The following CNTNAP2 variants were observed in gnomAD, a reference collection of about 807,000 sequenced individuals.
CNTNAP2 encodes contactin associated protein 2.
CNTNAP2 carries 98 observed loss-of-function variants against 155.2 expected under a neutral mutation model. The observed-to-expected ratio is 0.63, with a 90% CI of 0.54 to 0.75. CNTNAP2 has a LOEUF of 0.75. Ranked by LOEUF, CNTNAP2 falls within the 30% of genes least tolerant of loss-of-function variation. The pLI, the probability that CNTNAP2 is intolerant of heterozygous loss-of-function variation, is 0.00. For missense variants in CNTNAP2, 1,727 were observed against 1,688.1 expected (o/e 1.02, Z -0.40); for synonymous variants, 651 against 631.2 (o/e 1.03, Z -0.47).
chr7:147,541,227 A>G (rs921086167), intron 11 of CNTNAP2, among the ~76,000 whole-genome samples: 3 of 152,206 alleles, frequency 2.0e-5, no homozygotes, highest in Admixed American at 2.0e-4. Context: ...CTCTTAGTAT[A>G]ATGCAGTGGC....
chr7:146,900,008 C>T (rs978616672), intron 3 of CNTNAP2, among the ~76,000 whole-genome samples: 20 of 152,152 alleles, frequency 1.3e-4, no homozygotes, highest in African/African-American at 4.1e-4. Flanking sequence ...TTACCCTCAA[C>T]GAGCTGGAAA....
chr7:147,359,675 C>T (rs1796115489), intron 9 of CNTNAP2, among the ~76,000 whole-genome samples: 2 of 152,126 alleles, frequency 1.3e-5, no homozygotes, highest in Non-Finnish European at 2.9e-5. Context: ...GATCTTTGCA[C>T]TTCCTGTTCC....
At chr7:148,092,475 G>A (rs1803864075) in intron 15 of CNTNAP2, among the ~76,000 whole-genome samples, 1 of 152,124 alleles carries the variant, frequency 6.6e-6, no homozygotes, top group African/African-American at 2.4e-5. Context: ...TGCCCCATTG[G>A]GACCATGGAT....
intron 21 of CNTNAP2, among the ~76,000 whole-genome samples, chr7:148,293,391 C>A (rs1027366122): frequency 6.6e-6 from 1 of 152,080 alleles, no homozygotes; most frequent in African/African-American, 2.4e-5. Context: ...GGCTTGTTTT[C>A]GGATTAATGG....
At chr7:146,804,891 G>A in intron 2 of CNTNAP2, among the ~76,000 whole-genome samples, 1 of 152,180 alleles carries the variant, frequency 6.6e-6, no homozygotes, top group Admixed American at 6.5e-5. Context: ...AGTTCAGGGA[G>A]GCTTTCTTTC....
intron 10 of CNTNAP2, among the ~76,000 whole-genome samples, chr7:147,397,271 GCTA>G (rs1796832545): frequency 6.6e-6 from 1 of 151,972 alleles, no homozygotes; most frequent in Non-Finnish European, 1.5e-5. Flanking sequence ...TAATGTATCA[GCTA>G]TTATTTCTGC....
intron 2 of CNTNAP2, among the ~76,000 whole-genome samples, chr7:146,796,180 T>C (rs1437499691): frequency 6.6e-6 from 1 of 152,182 alleles, no homozygotes; most frequent in Non-Finnish European, 1.5e-5. Flanking sequence ...TATCGGTTAC[T>C]TCTAAGTTGC....
intron 1 of CNTNAP2, among the ~76,000 whole-genome samples, chr7:146,635,736 G>A (rs754273697): frequency 3.3e-5 from 5 of 151,964 alleles, no homozygotes; most frequent in Non-Finnish European, 5.9e-5. Context: ...GATATAAGAA[G>A]CAGGGAGTGC....
rs776987592 is a variant in CNTNAP2, at chr7:148,415,522, C to T, written c.3902C>T (p.Ala1301Val). The T allele has an allele frequency of 2.3e-5, 37 of 1,614,088 alleles. No individual in the cohort carries two copies. The highest frequency in any genetic ancestry group is 1.6e-4 in the Middle Eastern group (1 of 6,084). ...GTYHTNEAKG[A>V]ESAESADAAI... ...TACCATACCAACGAAGCAAAGGGGG[C>T]GGAGTCGGCAGAGAGCGCGGACGCC... Residue 1301 changes from alanine to valine, a missense_variant, in exon 24 of 24, where the codon GCG becomes GTG. Ala to Val is a moderately conservative substitution (Grantham distance 64). Coordinates refer to ENST00000361727, the MANE Select transcript of CNTNAP2 (RefSeq NM_014141.6).
intron 1 of CNTNAP2, among the ~76,000 whole-genome samples, chr7:146,407,365 TTAC>T (rs1286718141): frequency 6.6e-6 from 1 of 152,190 alleles, no homozygotes; most frequent in Non-Finnish European, 1.5e-5. Flanking sequence ...TGTCATGCTG[TTAC>T]TACTGTGGTT....
intron 3 of CNTNAP2, among the ~76,000 whole-genome samples, chr7:147,009,725 C>T (rs1798590052): frequency 6.6e-6 from 1 of 152,008 alleles, no homozygotes; most frequent in Admixed American, 6.6e-5. Flanking sequence ...TTAATGAGAG[C>T]TTCAACTAGC....
chr7:147,335,158 G>A lies in CNTNAP2; in HGVS notation c.1498+34868G>A, dbSNP rs538447154. Among the ~76,000 whole-genome samples, 18 of 152,236 alleles carry A rather than the reference G, an allele frequency of 1.2e-4. No homozygotes were observed. The East Asian group carries it at 3.1e-3, about 26-fold the overall frequency. ...CATGCATTTTAGTGAATTGGATTGT[G>A]AGTATATTCATCAACTCTTGTTCTA... On this transcript the variant is annotated intron_variant, in intron 9 of 23. Coordinates refer to ENST00000361727, the MANE Select transcript of CNTNAP2 (RefSeq NM_014141.6).
intron 10 of CNTNAP2, among the ~76,000 whole-genome samples, chr7:147,410,881 G>A (rs2116487817): frequency 6.6e-6 from 1 of 152,246 alleles, no homozygotes; most frequent in South Asian, 2.1e-4. Flanking sequence ...ATTAATATTA[G>A]TGCTGTTCTG....
At chr7:147,616,524 A>C (rs1435365011) in intron 12 of CNTNAP2, among the ~76,000 whole-genome samples, 1 of 152,144 alleles carries the variant, frequency 6.6e-6, no homozygotes. Context: ...CTGCCAGATT[A>C]TTCCTGCTTC....
intron 1 of CNTNAP2, among the ~76,000 whole-genome samples, chr7:146,270,817 C>A (rs1264530659): frequency 6.6e-6 from 1 of 152,060 alleles, no homozygotes; most frequent in Non-Finnish European, 1.5e-5. Flanking sequence ...TCACACATAA[C>A]ACAAATTTAA....
At chr7:146,220,242 G>A (rs1799184246) in intron 1 of CNTNAP2, among the ~76,000 whole-genome samples, 1 of 151,666 alleles carries the variant, frequency 6.6e-6, no homozygotes, top group Non-Finnish European at 1.5e-5. Context: ...GCTTGTATAA[G>A]ATGTTTGCCC....
In CNTNAP2 at chr7:148,378,697, A is replaced by G. The variant is rs531343935; in HGVS notation, c.3476-4952A>G. Among the ~76,000 whole-genome samples the G allele has an allele frequency of 2.1e-4, 14 of 67,058 alleles. 5 individuals carry two copies. Among genetic ancestry groups the G allele is most frequent in the African/African-American group, 5.1e-4 (14 of 27,312 alleles). 44.0% of individuals were successfully genotyped at this position (67,058 alleles called of 152,430 possible). On this transcript the variant is annotated intron_variant, in intron 21 of 23. Transcript: ENST00000361727. Reference sequence around the variant, plus strand: ...GATACGGTGGTGCTAAAAATACGTAATATAAAAATATAATGAAACTCAGCA... The same window carrying G: ...GATACGGTGGTGCTAAAAATACGTAGTATAAAAATATAATGAAACTCAGCA...
intron 18 of CNTNAP2, among the ~76,000 whole-genome samples, chr7:148,194,750 C>T (rs964330120): frequency 4.0e-5 from 6 of 151,772 alleles, no homozygotes; most frequent in African/African-American, 1.5e-4. Flanking sequence ...TGTCCCAGCT[C>T]AAGAAAAAAA....
chr7:146,924,667 G>A (rs368911931), intron 3 of CNTNAP2, among the ~76,000 whole-genome samples: 10 of 152,136 alleles, frequency 6.6e-5, no homozygotes, highest in African/African-American at 2.4e-4. Flanking sequence ...TCTCAGGAGA[G>A]TAGGAAGTCA....
Sources: gnomAD v4.1 joint callset for allele counts (sites outside exome capture counted in the v4.1 genomes callset) on GRCh38, gnomAD v4.1.1 for gene constraint, MANE v1.5 for transcripts, NCBI Gene and HGNC (gene_info 2026-07-23, HGNC 2026-07-21) for gene names.